The following SLC24A2 variants were observed in gnomAD, a reference collection of about 807,000 sequenced individuals.
SLC24A2 encodes solute carrier family 24 member 2.
Under a neutral mutation model 62.0 loss-of-function variants are expected in SLC24A2, and 36 were observed. The ratio of observed to expected loss-of-function variants is 0.58; its 90% CI spans 0.44 to 0.77. The LOEUF (loss-of-function observed/expected upper bound fraction) is 0.77. Ranked by LOEUF, SLC24A2 falls within the 30% of genes least tolerant of loss-of-function variation. SLC24A2 has a pLI of 0.00. For synonymous variants in SLC24A2, 358 were observed against 294.0 expected (o/e 1.22, Z -2.23); for missense variants, 846 against 817.9 (o/e 1.03, Z -0.42).
the SLC24A2 span, among the ~76,000 whole-genome samples, chr9:20,274,174 C>A: frequency 3.6e-3 from 547 of 152,152 alleles, 3 homozygotes; most frequent in African/African-American, 0.012. Flanking sequence ...AGGAGGTAGA[C>A]AATGAACAAA....
intron 4 of SLC24A2, among the ~76,000 whole-genome samples, chr9:19,617,630 C>T (rs1817803622): frequency 6.6e-6 from 1 of 152,138 alleles, no homozygotes; most frequent in Admixed American, 6.5e-5. Flanking sequence ...CATCTTCACC[C>T]CGGGACTACA....
At chr9:20,294,443 C>T in the SLC24A2 span, among the ~76,000 whole-genome samples, 1 of 152,188 alleles carries the variant, frequency 6.6e-6, no homozygotes, top group African/African-American at 2.4e-5. Flanking sequence ...ACTAACCAGC[C>T]TGGGCAGAGC....
the SLC24A2 span, among the ~76,000 whole-genome samples, chr9:20,216,193 T>C: frequency 6.6e-6 from 1 of 152,232 alleles, no homozygotes; most frequent in Non-Finnish European, 1.5e-5. Flanking sequence ...ATACGTTTCC[T>C]AAATAATGCA....
the SLC24A2 span, among the ~76,000 whole-genome samples, chr9:19,985,270 C>A: frequency 6.6e-6 from 1 of 152,036 alleles, no homozygotes; most frequent in Non-Finnish European, 1.5e-5. Context: ...GACATATGTC[C>A]ATAAAAAGGC....
intron 2 of SLC24A2, among the ~76,000 whole-genome samples, chr9:19,738,454 T>G (rs1259989687): frequency 6.6e-6 from 1 of 152,110 alleles, no homozygotes; most frequent in Non-Finnish European, 1.5e-5. Context: ...AGTGGGTGGA[T>G]TTGTGATATG....
intron 8 of SLC24A2, among the ~76,000 whole-genome samples, chr9:19,531,695 C>G (rs1296242741): frequency 1.7e-5 from 2 of 119,518 alleles, no homozygotes; most frequent in East Asian, 3.0e-4. Context: ...AACAAAGACC[C>G]CCCCCCACCC....
the SLC24A2 span, among the ~76,000 whole-genome samples, chr9:20,190,793 C>T: frequency 1.1e-4 from 17 of 152,170 alleles, no homozygotes; most frequent in East Asian, 1.4e-3. Flanking sequence ...TGTATGACTT[C>T]GGGAAAATTA....
At chr9:19,853,666 T>C in the SLC24A2 span, among the ~76,000 whole-genome samples, 2 of 152,350 alleles carry the variant, frequency 1.3e-5, no homozygotes, top group African/African-American at 4.8e-5. Context: ...GCCAACTTGA[T>C]CATGGTGGAT....
At chr9:20,156,073 G>A in the SLC24A2 span, among the ~76,000 whole-genome samples, 1 of 151,590 alleles carries the variant, frequency 6.6e-6, no homozygotes, top group South Asian at 2.1e-4. Context: ...AATTCCCTCA[G>A]GTAATTAGTT....
chr9:19,543,693 T>G (rs1476650130), intron 8 of SLC24A2, among the ~76,000 whole-genome samples: 1 of 152,202 alleles, frequency 6.6e-6, no homozygotes, highest in Non-Finnish European at 1.5e-5. Context: ...TTTTACCCAG[T>G]AGTCATTCAG....
chr9:19,951,192 ATTTC>A, the SLC24A2 span, among the ~76,000 whole-genome samples: 1 of 150,656 alleles, frequency 6.6e-6, no homozygotes, highest in African/African-American at 2.5e-5. Context: ...TCTTCCACCA[ATTTC>A]TTTAAGATTG....
chr9:19,570,150 TTAGA>T (rs1835796779), intron 7 of SLC24A2, among the ~76,000 whole-genome samples: 1 of 152,236 alleles, frequency 6.6e-6, no homozygotes, highest in Admixed American at 6.5e-5. Context: ...AATTTTCTGA[TTAGA>T]TAAACAATGG....
chr9:19,795,610 T>C, the SLC24A2 span, among the ~76,000 whole-genome samples: 5 of 152,264 alleles, frequency 3.3e-5, no homozygotes, highest in East Asian at 9.6e-4. Context: ...TCTTTCAAAG[T>C]AATGAGGTCA....
the SLC24A2 span, among the ~76,000 whole-genome samples, chr9:20,036,499 T>A: frequency 6.6e-6 from 1 of 152,184 alleles, no homozygotes; most frequent in Admixed American, 6.5e-5. Context: ...TCCCCCCCAC[T>A]ACCCAGTCTT....
At chr9:20,112,526 T>TC in the SLC24A2 span, among the ~76,000 whole-genome samples, 1 of 152,128 alleles carries the variant, frequency 6.6e-6, no homozygotes, top group African/African-American at 2.4e-5. Flanking sequence ...ATCTGAAACT[T>TC]CCCCATATTA....
At chr9:20,211,868 C>G in the SLC24A2 span, among the ~76,000 whole-genome samples, 1 of 151,554 alleles carries the variant, frequency 6.6e-6, no homozygotes, top group Non-Finnish European at 1.5e-5. Context: ...AGGTATTGGT[C>G]AAAGAACAAT....
At chr9:19,713,674 A>G (rs1376023913) in intron 2 of SLC24A2, among the ~76,000 whole-genome samples, 1 of 152,168 alleles carries the variant, frequency 6.6e-6, no homozygotes, top group Non-Finnish European at 1.5e-5. Flanking sequence ...TGTGTTTCCA[A>G]GAGGTTTTTA....
the SLC24A2 span, among the ~76,000 whole-genome samples, chr9:19,897,566 C>G: frequency 5.9e-5 from 9 of 152,096 alleles, no homozygotes; most frequent in African/African-American, 1.9e-4. Context: ...TATAAAACAA[C>G]AGTTCCAAGT....
intron 2 of SLC24A2, among the ~76,000 whole-genome samples, chr9:19,738,081 A>G (rs1821562903): frequency 6.6e-6 from 1 of 152,224 alleles, no homozygotes; most frequent in Non-Finnish European, 1.5e-5. Context: ...GAGTGAGGAA[A>G]AAAAGCTCAG....
Sources: gnomAD v4.1 joint callset for allele counts (sites outside exome capture counted in the v4.1 genomes callset) on GRCh38, gnomAD v4.1.1 for gene constraint, MANE v1.5 for transcripts, NCBI Gene and HGNC (gene_info 2026-07-23, HGNC 2026-07-21) for gene names.